LARP1: variants seen among roughly 807,000 people sequenced by gnomAD.
The protein encoded by LARP1 is la-related protein 1.
Under a neutral mutation model 122.7 loss-of-function variants are expected in LARP1, and 36 were observed. The ratio of observed to expected loss-of-function variants is 0.29; its 90% CI spans 0.22 to 0.39. The LOEUF (loss-of-function observed/expected upper bound fraction) is 0.39, where lower values mean the gene tolerates loss of function less well. LARP1 is among the 10% of genes least tolerant of loss of function. The pLI, the probability that LARP1 is intolerant of heterozygous loss-of-function variation, is 1.00. For synonymous variants in LARP1, 539 were observed against 528.7 expected, an observed-to-expected ratio of 1.02 and a Z score of -0.27; for missense variants, 1,040 against 1,403.6, an observed-to-expected ratio of 0.74 and a Z score of 4.14.
chr5:154,767,747 T>C (rs899997775), intron 1 of LARP1, among the ~76,000 whole-genome samples: 1 of 152,210 alleles, frequency 6.6e-6, no homozygotes, highest in Non-Finnish European at 1.5e-5. Flanking sequence ...TATTTCCTGT[T>C]CTGCGTGTGT....
chr5:154,693,602 T>C (rs1405289451), intron 1 of LARP1, among the ~76,000 whole-genome samples: 1 of 152,098 alleles, frequency 6.6e-6, no homozygotes, highest in African/African-American at 2.4e-5. Context: ...ACACCTGTAA[T>C]CCCAGCACTT....
At chr5:154,770,543 A>G (rs1339581166) in intron 1 of LARP1, among the ~76,000 whole-genome samples, 2 of 152,036 alleles carry the variant, frequency 1.3e-5, no homozygotes, top group East Asian at 3.9e-4. Flanking sequence ...GAATGAGGGT[A>G]TGAGAGAATA....
At chr5:154,722,685 T>G (rs564820234) in intron 1 of LARP1, among the ~76,000 whole-genome samples, 2 of 149,636 alleles carry the variant, frequency 1.3e-5, no homozygotes, top group Non-Finnish European at 3.0e-5. Flanking sequence ...TAGGTTTTTT[T>G]TTTTTTTTTT....
At chr5:154,804,372 T>C (rs1390587988) in intron 14 of LARP1, 65 bp downstream of exon 14, 7 of 1,166,874 alleles carry the variant, frequency 6.0e-6, no homozygotes, top group Non-Finnish European at 9.0e-6. Context: ...AGCCATGAAA[T>C]TGACTGGACC....
intron 1 of LARP1, among the ~76,000 whole-genome samples, chr5:154,776,836 ACTC>A (rs1755928037): frequency 6.6e-6 from 1 of 151,760 alleles, no homozygotes; most frequent in African/African-American, 2.4e-5. Context: ...CTGCTCAGGA[ACTC>A]CTGCTGAATG....
intron 1 of LARP1, among the ~76,000 whole-genome samples, chr5:154,783,467 A>G (rs1278590396): frequency 1.3e-5 from 2 of 152,164 alleles, no homozygotes; most frequent in Non-Finnish European, 2.9e-5. Flanking sequence ...ATGCCCAGGC[A>G]TCCCTGCTAT....
chr5:154,773,551 G>A (rs1755617040), intron 1 of LARP1, among the ~76,000 whole-genome samples: 1 of 152,162 alleles, frequency 6.6e-6, no homozygotes, highest in African/African-American at 2.4e-5. Flanking sequence ...CACTGTGCTG[G>A]GGGAAGCAGG....
At chr5:154,792,883 T>TA in intron 4 of LARP1, 87 bp downstream of exon 4, 1 of 1,335,894 alleles carries the variant, frequency 7.5e-7, no homozygotes, top group Admixed American at 2.1e-5. Flanking sequence ...GGAGGAGCTT[T>TA]AGGTGCCACC....
chr5:154,685,096 T>G (rs72797565), intron 1 of LARP1, among the ~76,000 whole-genome samples: 2,305 of 152,164 alleles, frequency 0.015, 31 homozygotes, highest in South Asian at 0.023. Context: ...ATACAGAAAT[T>G]AGCTGGGCAT....
intron 1 of LARP1, among the ~76,000 whole-genome samples, chr5:154,717,809 A>G (rs1755602212): frequency 6.6e-6 from 1 of 152,128 alleles, no homozygotes; most frequent in Non-Finnish European, 1.5e-5. Context: ...TTCTGACCCC[A>G]TTTTTGCTAC....
chr5:154,719,771 A>C (rs1228442875), intron 1 of LARP1, among the ~76,000 whole-genome samples: 11 of 151,708 alleles, frequency 7.3e-5, no homozygotes, highest in Admixed American at 5.9e-4. Context: ...CTGAGGCATG[A>C]GAATCACTTG....
intron 1 of LARP1, among the ~76,000 whole-genome samples, chr5:154,732,837 T>C (rs1330214481): frequency 1.3e-5 from 2 of 152,194 alleles, no homozygotes; most frequent in Non-Finnish European, 2.9e-5. Context: ...GCATATGAAG[T>C]GTTAATTATA....
At chr5:154,794,340 G>T (rs1757579149) in intron 7 of LARP1, 78 bp downstream of exon 7, 1 of 1,451,356 alleles carries the variant, frequency 6.9e-7, no homozygotes, top group African/African-American at 1.4e-5. Flanking sequence ...AGCTGGGCAG[G>T]CCCTTCTGGT....
chr5:154,795,918 ATATT>A (rs534913116), intron 8 of LARP1, among the ~76,000 whole-genome samples: 8,454 of 121,858 alleles, frequency 0.069, 377 homozygotes, highest in Admixed American at 0.12. Context: ...TATTTATTAT[ATATT>A]TATATTTATA....
intron 1 of LARP1, among the ~76,000 whole-genome samples, chr5:154,733,144 T>G (rs746034702): frequency 1.3e-5 from 2 of 152,220 alleles, no homozygotes; most frequent in Non-Finnish European, 2.9e-5. Context: ...TGTCTTATCT[T>G]TGAAACAAAT....
chr5:154,709,008 G>T (rs1203970821), upstream of LARP1, among the ~76,000 whole-genome samples: 2 of 152,182 alleles, frequency 1.3e-5, no homozygotes, highest in Non-Finnish European at 2.9e-5. Context: ...CGTCAACCTG[G>T]ATTGCGTACC....
At chr5:154,801,373 C>T (rs972629854) in intron 10 of LARP1, among the ~76,000 whole-genome samples, 12 of 152,336 alleles carry the variant, frequency 7.9e-5, no homozygotes, top group African/African-American at 2.9e-4. Flanking sequence ...TAACTGTGTG[C>T]ATCCACAAAC....
intron 1 of LARP1, among the ~76,000 whole-genome samples, chr5:154,776,610 A>G (rs913427195): frequency 9.2e-5 from 14 of 152,348 alleles, no homozygotes; most frequent in Middle Eastern, 3.4e-3. Context: ...GCCATGAGCA[A>G]TTGCACAGGA....
intron 1 of LARP1, among the ~76,000 whole-genome samples, chr5:154,777,436 A>C (rs1186850996): frequency 6.6e-6 from 1 of 152,078 alleles, no homozygotes; most frequent in Non-Finnish European, 1.5e-5. Context: ...TGGGAGAATC[A>C]ACTGAATCCA....
Sources: gnomAD v4.1 joint callset for allele counts (sites outside exome capture counted in the v4.1 genomes callset) on GRCh38, gnomAD v4.1.1 for gene constraint, MANE v1.5 for transcripts, NCBI Gene and HGNC (gene_info 2026-07-23, HGNC 2026-07-21) for gene names.